ZSWIM7: variants seen among roughly 807,000 people sequenced by gnomAD.
ZSWIM7 encodes zinc finger SWIM domain-containing protein 7.
ZSWIM7 carries 22 observed loss-of-function variants against 21.1 expected under a neutral mutation model. That is an observed-to-expected ratio of 1.04 (90% CI 0.74 to 1.49). ZSWIM7 has a LOEUF of 1.49. Ranked by LOEUF, ZSWIM7 falls within the 40% of genes most tolerant of loss-of-function variation. The pLI is 0.00. For synonymous variants in ZSWIM7, 67 were observed against 66.5 expected, an observed-to-expected ratio of 1.01 and a Z score of -0.04; for missense variants, 193 against 168.0, an observed-to-expected ratio of 1.15 and a Z score of -0.82.
chr17:15,999,038 G>T (rs1480907337), intron 1 of ZSWIM7, among the ~76,000 whole-genome samples: 2 of 152,180 alleles, frequency 1.3e-5, no homozygotes, highest in Non-Finnish European at 1.5e-5. Context: ...TTACGGGAGT[G>T]AGCCACTGCG....
intron 4 of ZSWIM7, among the ~76,000 whole-genome samples, chr17:15,978,754 C>T (rs1376990164): frequency 2.0e-5 from 3 of 152,106 alleles, no homozygotes; most frequent in African/African-American, 7.2e-5. Context: ...ACCCAGACTA[C>T]CTGCACTCCT....
In ZSWIM7 at chr17:15,976,870, C is replaced by G. The variant is rs1390342469; in HGVS notation, c.*1177G>C. 1 of 152,114 alleles carries G rather than the reference C, an allele frequency of 6.6e-6. No homozygotes were observed. The highest frequency in any genetic ancestry group is 2.4e-5 in the African/African-American group (1 of 41,424). The allele number at this position is 152,114 out of a possible 1,614,324, so 9.4% of individuals were successfully genotyped here. A position where few individuals can be genotyped will look rare whatever the true frequency, so the allele number is the denominator to read the frequency against. On this transcript the variant is annotated 3_prime_UTR_variant, in exon 5 of 5. Transcript: ENST00000399277. The stretch of plus-strand genomic sequence containing the variant: ...AGGATCCTCTTCTGGCTGTGGGCAG[C>G]TTTACCATAAGTTCTTGTCTTCTTA...
rs758349109 is a variant in ZSWIM7 at position 15,987,312 on chromosome 17, T to C, written c.155A>G (p.Gln52Arg). 12 of 1,613,732 alleles carry C rather than the reference T, an allele frequency of 7.4e-6. No homozygotes were observed. The highest frequency in any genetic ancestry group is 4.0e-5 in the African/African-American group (3 of 74,902). ...GGGTGATGAGATTAAGGTGATGGAC[T>C]GTCGATCAACTAGGTCCAAGGCCTG... ...ATQALDLVDRQSITLISSPSG... is the reference protein window; with the variant it reads ...ATQALDLVDRRSITLISSPSG... The change falls in exon 3 of 5, where the codon CAG becomes CGG. Residue 52 changes from glutamine (Q) to arginine (R), a missense_variant. Gln to Arg is a conservative substitution (Grantham distance 43). Transcript: ENST00000399277.
chr17:15,989,410 G>A (rs1970454530), intron 2 of ZSWIM7, among the ~76,000 whole-genome samples: 1 of 151,536 alleles, frequency 6.6e-6, no homozygotes, highest in African/African-American at 2.4e-5. Context: ...TTCTGCCTCC[G>A]GGGTTCAAGA....
At chr17:15,979,117 TAGGCAGAGG>T (rs1970313965) in intron 4 of ZSWIM7, among the ~76,000 whole-genome samples, 1 of 151,362 alleles carries the variant, frequency 6.6e-6, no homozygotes, top group Non-Finnish European at 1.5e-5. Context: ...CTGGTTTTCC[TAGGCAGAGG>T]ACCCTGCGGC....
Position 15,999,655 on chromosome 17 carries a change from C to A in ZSWIM7, c.-61G>T, listed in dbSNP as rs1970647592. 16 of 1,564,330 alleles carry A rather than the reference C, an allele frequency of 1.0e-5. No homozygotes were observed. The highest frequency in any genetic ancestry group is 4.8e-5 in the East Asian group (2 of 41,792). On this transcript the variant is annotated 5_prime_UTR_variant, in exon 1 of 5. Coordinates refer to ENST00000399277, the MANE Select transcript of ZSWIM7 (RefSeq NM_001042697.2). The stretch of plus-strand genomic sequence containing the variant: ...CGCCGCGACGCTCCAGCTGACTGCG[C>A]CTACCTGTGGAGGATCCTGACCCCC...
At chr17:15,979,135 GC>G (rs1970314356) in intron 4 of ZSWIM7, among the ~76,000 whole-genome samples, 1 of 151,454 alleles carries the variant, frequency 6.6e-6, no homozygotes, top group Admixed American at 6.6e-5. Flanking sequence ...GGACCCTGCG[GC>G]CTTCCGCAGT....
At position 15,999,614 on chromosome 17, in the gene ZSWIM7, TC is replaced by T; in HGVS notation, c.-21del. 1 of 1,568,122 alleles carries T rather than the reference TC, an allele frequency of 6.4e-7. No homozygotes were observed. The highest frequency in any genetic ancestry group is 8.6e-7 in the Non-Finnish European group (1 of 1,158,020). On this transcript the variant is annotated 5_prime_UTR_variant, in exon 1 of 5. Transcript: ENST00000399277. ...GGCCATCGCGCCGCAGGACACGCCC[TC>T]CACGACCGGCGGACCGCCGCGACGC...
intron 3 of ZSWIM7, among the ~76,000 whole-genome samples, chr17:15,981,700 C>T (rs144583792): frequency 1.3e-5 from 2 of 152,022 alleles, no homozygotes; most frequent in East Asian, 1.9e-4. Flanking sequence ...CTTGACCCCC[C>T]CCAGAGTTCA....
chr17:15,986,964 C>T (rs1305380856), intron 3 of ZSWIM7: 9 of 177,300 alleles, frequency 5.1e-5, no homozygotes, highest in Admixed American at 6.2e-5. Flanking sequence ...TTTAAGTGAT[C>T]TCACCACAAA....
Position 15,981,039 on chromosome 17 carries a change from C to T in ZSWIM7, c.306+1G>A, listed in dbSNP as rs749261972. 3.1e-6 allele frequency: 5 copies of T among 1,610,224 alleles called. No individual in the cohort carries two copies. The South Asian group carries it at 3.3e-5, about 11-fold the overall frequency. ...GTGGGAAGAGTCTTCCCCATCCTCACCAGGATGCTGTCACTCTTCCGTAGC... is the reference window on the plus strand; with the variant it reads ...GTGGGAAGAGTCTTCCCCATCCTCATCAGGATGCTGTCACTCTTCCGTAGC... On this transcript the variant is annotated splice_donor_variant, in intron 4 of 4. Coordinates refer to ENST00000399277, the MANE Select transcript of ZSWIM7 (RefSeq NM_001042697.2). LOFTEE classifies it high-confidence loss of function.
At chr17:15,981,470 G>A (rs1184035723) in intron 3 of ZSWIM7, among the ~76,000 whole-genome samples, 1 of 145,996 alleles carries the variant, frequency 6.8e-6, no homozygotes, top group Non-Finnish European at 1.5e-5. Context: ...GAAGGAAGTG[G>A]GGGGGGGGAA....
At chr17:15,995,337 G>A (rs1203445410) in intron 1 of ZSWIM7, among the ~76,000 whole-genome samples, 10 of 150,724 alleles carry the variant, frequency 6.6e-5, no homozygotes, top group African/African-American at 1.5e-4. Context: ...ACGCAATCTC[G>A]GCTTACCGCA....
chr17:15,994,321 T>C (rs986274040), intron 1 of ZSWIM7, among the ~76,000 whole-genome samples: 3 of 152,138 alleles, frequency 2.0e-5, no homozygotes, highest in Admixed American at 1.3e-4. Context: ...CCATGATACA[T>C]TGGAAGCTGA....
At chr17:15,991,112 A>G (rs964465763) in intron 2 of ZSWIM7, 4 of 152,116 alleles carry the variant, frequency 2.6e-5, no homozygotes, top group Non-Finnish European at 5.9e-5. Context: ...TGTCTGAAAA[A>G]AAAAAGAATT....
rs1337184322 is a variant in ZSWIM7 at position 15,991,933 on chromosome 17, G to GT, written c.98+1823dup. 9.8e-3 allele frequency among the ~76,000 whole-genome samples: 1,342 copies of GT among 137,144 alleles called. 37 individuals carry two copies. The highest frequency in any genetic ancestry group is 0.037 in the African/African-American group (1,240 of 33,706). 90.0% of individuals were successfully genotyped at this position (137,144 alleles called of 152,430 possible). On this transcript the variant is annotated intron_variant, in intron 2 of 4. Transcript: ENST00000399277. The stretch of plus-strand genomic sequence containing the variant: ...TTTTTTGTTTGTTTTGTTTTGTTTT[G>GT]TTTTTTTTTTGAGACAGAGTCTTGC...
At chr17:15,985,569 G>C (rs1970399799) in intron 3 of ZSWIM7, among the ~76,000 whole-genome samples, 1 of 152,124 alleles carries the variant, frequency 6.6e-6, no homozygotes, top group Non-Finnish European at 1.5e-5. Flanking sequence ...GGGTGTATAA[G>C]ATTTCTACAG....
At chr17:15,985,675 G>A (rs1234122813) in intron 3 of ZSWIM7, among the ~76,000 whole-genome samples, 13 of 152,106 alleles carry the variant, frequency 8.5e-5, no homozygotes, top group African/African-American at 2.4e-5. Context: ...AGATGTGAAC[G>A]ACAAAAACTA....
intron 2 of ZSWIM7, among the ~76,000 whole-genome samples, chr17:15,992,690 C>T (rs1044832783): frequency 6.6e-6 from 1 of 152,032 alleles, no homozygotes; most frequent in Non-Finnish European, 1.5e-5. Flanking sequence ...TCGCCCGTCT[C>T]GGCCTCCCAA....
Sources: gnomAD v4.1 joint callset for allele counts (sites outside exome capture counted in the v4.1 genomes callset) on GRCh38, gnomAD v4.1.1 for gene constraint, MANE v1.5 for transcripts, NCBI Gene and HGNC (gene_info 2026-07-23, HGNC 2026-07-21) for gene names.